The following EIF4ENIF1 variants were observed in gnomAD, a reference collection of about 807,000 sequenced individuals.
The protein encoded by EIF4ENIF1 is eukaryotic translation initiation factor 4E nuclear import factor 1.
Under a neutral mutation model 110.5 loss-of-function variants are expected in EIF4ENIF1, and 23 were observed. That is an observed-to-expected ratio of 0.21 (90% CI 0.15 to 0.29). The LOEUF (loss-of-function observed/expected upper bound fraction) is 0.29. EIF4ENIF1 is among the 10% of genes least tolerant of loss of function. The probability of loss-of-function intolerance (pLI) is 1.00; values close to 1 mark genes in which losing one functional copy is unlikely to be tolerated. For missense variants in EIF4ENIF1, 1,031 were observed against 1,221.1 expected (o/e 0.84, Z 2.32); for synonymous variants, 440 against 437.0 (o/e 1.01, Z -0.09).
intron 10 of EIF4ENIF1, among the ~76,000 whole-genome samples, chr22:31,451,483 C>T (rs112582856): frequency 0.011 from 1,603 of 151,548 alleles, 7 homozygotes; most frequent in Non-Finnish European, 0.017. Flanking sequence ...ACCATGTTGG[C>T]CAGGATGGTC....
chr22:31,443,298 A>C, intron 15 of EIF4ENIF1: 1 of 638,318 alleles, frequency 1.6e-6, no homozygotes, highest in Non-Finnish European at 2.5e-6. Flanking sequence ...CCTTGCTTAC[A>C]ACTGTGTGAT....
rs1209266851 is a variant in EIF4ENIF1 at position 31,440,817 on chromosome 22, G to T, written c.2603C>A (p.Pro868His). 6.2e-7 allele frequency: 1 copy of T among 1,613,864 alleles called. No homozygotes were observed. Residue 868 changes from proline (P) to histidine (H), a missense_variant, in exon 18 of 19, where the codon CCC (proline) becomes CAC (histidine). Physicochemically the swap from Pro to His is moderately conservative, Grantham distance 77 (BLOSUM62 -2). This residue lies in a region of EIF4ENIF1 where 309 missense variants were observed against 299.1 expected (regional missense o/e 1.03). Coordinates refer to ENST00000330125, the MANE Select transcript of EIF4ENIF1 (RefSeq NM_019843.4). ...AGGGTAAAAGGGCTGACCCAGGATGGGGCCAGATATTCCCTGTAAATGACT... is the reference window on the plus strand; with the variant it reads ...AGGGTAAAAGGGCTGACCCAGGATGTGGCCAGATATTCCCTGTAAATGACT... Reference protein sequence around the residue: ...DLSHLQGISGPILGQPFYPLP... With the variant: ...DLSHLQGISGHILGQPFYPLP...
intron 10 of EIF4ENIF1, among the ~76,000 whole-genome samples, chr22:31,451,666 T>C (rs1296152653): frequency 6.9e-6 from 1 of 145,554 alleles, no homozygotes; most frequent in Non-Finnish European, 1.5e-5. Context: ...AGTGGTTACT[T>C]TTTTTTTTTT....
At chr22:31,471,613 C>T (rs566075340) in intron 3 of EIF4ENIF1, among the ~76,000 whole-genome samples, 16 of 152,308 alleles carry the variant, frequency 1.1e-4, no homozygotes, top group African/African-American at 2.4e-4. Flanking sequence ...CATGCCCTGT[C>T]GGGTTCAAGT....
At chr22:31,455,740 T>C (rs2050794356) in intron 8 of EIF4ENIF1, 112 bp downstream of exon 8, 2 of 1,391,650 alleles carry the variant, frequency 1.4e-6, no homozygotes, top group Non-Finnish European at 2.0e-6. Context: ...GGCTTTTCAG[T>C]TGTCCAGAGA....
intron 2 of EIF4ENIF1, among the ~76,000 whole-genome samples, chr22:31,475,672 G>A (rs569245593): frequency 7.3e-4 from 110 of 149,994 alleles, no homozygotes; most frequent in African/African-American, 2.6e-3. Flanking sequence ...GCAGTGATCT[G>A]AGTTCGCGCC....
Position 31,444,484 on chromosome 22 carries a change from A to G in EIF4ENIF1, c.2073+122T>C, listed in dbSNP as rs1431250490. On this transcript the variant is annotated intron_variant, in intron 15 of 18. Transcript: ENST00000330125. ...ACCTAATAGACAGTTATGAAAAACT[A>G]CTAGGTCAGTTATTTCCGTGGAAGG... The G allele has an allele frequency of 6.4e-5, 58 of 905,140 alleles. No homozygotes were observed. In the Admixed American group the frequency reaches 1.0e-3, roughly 16 times the overall value. 56.1% of individuals were successfully genotyped at this position (905,140 alleles called of 1,614,324 possible). A position where few individuals can be genotyped will look rare whatever the true frequency, so the allele number is the denominator to read the frequency against.
Position 31,449,364 on chromosome 22 carries a change from T to C in EIF4ENIF1, c.1752A>G (p.Arg584=), listed in dbSNP as rs1281323866. 1 of 1,613,502 alleles carries C rather than the reference T, an allele frequency of 6.2e-7. No homozygotes were observed. The highest frequency in any genetic ancestry group is 8.5e-7 in the Non-Finnish European group (1 of 1,179,912). Residue 584 remains arginine, a synonymous_variant, in exon 12 of 19, where the codon AGA becomes AGG. Transcript: ENST00000330125. The stretch of plus-strand genomic sequence containing the variant: ...TATATTTACCAATTGGTGATGGTAT[T>C]CTTGGGCGAAGGTAGTCAGCTGAGG... ...RAASADYLRP[R]IPSPIGFTPG...
chr22:31,441,770 T>G lies in EIF4ENIF1; in HGVS notation c.2551+4A>C. 6.2e-7 allele frequency: 1 copy of G among 1,604,576 alleles called. No homozygotes were observed. The highest frequency in any genetic ancestry group is 1.3e-5 in the African/African-American group (1 of 74,756). On this transcript the variant is annotated splice_donor_region_variant and intron_variant, in intron 17 of 18. Transcript: ENST00000330125. ...ACGACACCCAAGTCAGGCTGGAAAC[T>G]CACCAGTTTGGAGCAAACTTGGAAG...
intron 2 of EIF4ENIF1, among the ~76,000 whole-genome samples, chr22:31,472,596 GC>G (rs1261205013): frequency 1.3e-5 from 2 of 151,972 alleles, no homozygotes; most frequent in Non-Finnish European, 2.9e-5. Context: ...ATGTAATGTT[GC>G]AAGACTGAAA....
downstream of EIF4ENIF1, among the ~76,000 whole-genome samples, chr22:31,438,727 CTTTTTT>C (rs796917982): frequency 6.9e-6 from 1 of 145,258 alleles, no homozygotes; most frequent in African/African-American, 2.5e-5. Context: ...GTCCAATTAA[CTTTTTT>C]TTTTTTTTAA....
intron 15 of EIF4ENIF1, 69 bp downstream of exon 15, chr22:31,444,537 G>A: frequency 6.9e-7 from 1 of 1,446,136 alleles, no homozygotes; most frequent in East Asian, 2.3e-5. Context: ...GGCACACAGT[G>A]GTACAATCCA....
downstream of EIF4ENIF1, among the ~76,000 whole-genome samples, chr22:31,437,990 G>T (rs1411957995): frequency 6.6e-6 from 1 of 152,216 alleles, no homozygotes; most frequent in Non-Finnish European, 1.5e-5. Flanking sequence ...AGGTTTTCTT[G>T]AAAGGTGACC....
chr22:31,477,797 A>G (rs114943976), intron 2 of EIF4ENIF1, among the ~76,000 whole-genome samples: 56 of 152,176 alleles, frequency 3.7e-4, no homozygotes, highest in African/African-American at 1.3e-3. Flanking sequence ...TAGAAACAAG[A>G]CAACTCTTGG....
chr22:31,454,659 CAGA>C (rs1199836713), intron 9 of EIF4ENIF1, among the ~76,000 whole-genome samples: 1 of 152,162 alleles, frequency 6.6e-6, no homozygotes, highest in Non-Finnish European at 1.5e-5. Flanking sequence ...GTGCATCCTG[CAGA>C]AGGATATGAG....
intron 2 of EIF4ENIF1, among the ~76,000 whole-genome samples, chr22:31,478,242 T>C (rs966069809): frequency 6.6e-5 from 10 of 152,128 alleles, no homozygotes; most frequent in Admixed American, 6.6e-4. Flanking sequence ...GGGCCAGGCA[T>C]GCTGGCTGAC....
intron 10 of EIF4ENIF1, among the ~76,000 whole-genome samples, chr22:31,452,407 A>C (rs993579117): frequency 6.6e-6 from 1 of 152,178 alleles, no homozygotes; most frequent in African/African-American, 2.4e-5. Flanking sequence ...TCCGTTTGGC[A>C]GGTGTTTGAG....
rs947442105 is a variant in EIF4ENIF1, at chr22:31,482,390, T to C, written c.96+6233A>G. ...ATAACGTATGTATCCTTTATAAGATTAGTCTATTTGGCCGGGTGCGGTAGC... is the reference window on the plus strand; with the variant it reads ...ATAACGTATGTATCCTTTATAAGATCAGTCTATTTGGCCGGGTGCGGTAGC... On this transcript the variant is annotated intron_variant, in intron 2 of 18. Transcript: ENST00000330125. 1.2e-4 allele frequency among the ~76,000 whole-genome samples: 19 copies of C among 152,058 alleles called. 1 individual carries two copies. The highest frequency in any genetic ancestry group is 9.8e-4 in the Admixed American group (15 of 15,258).
At chr22:31,474,564 A>T (rs1181876936) in intron 2 of EIF4ENIF1, among the ~76,000 whole-genome samples, 1 of 150,970 alleles carries the variant, frequency 6.6e-6, no homozygotes, top group Non-Finnish European at 1.5e-5. Flanking sequence ...CCCTGGAATC[A>T]GCTATTTCTG....
Sources: allele counts gnomAD v4.1 joint callset (sites outside exome capture counted in the v4.1 genomes callset), GRCh38; gene constraint gnomAD v4.1.1; regional missense constraint gnomAD v4.1.1; transcripts MANE v1.5; gene names NCBI Gene and HGNC (gene_info 2026-07-23, HGNC 2026-07-21).